CDKN2B-AS1: variants seen among roughly 807,000 people sequenced by gnomAD.
CDKN2B-AS1 encodes the protein CDKN2B antisense RNA 1 (non-protein coding).
chr9:22,081,275 CTTTTTTTT>C (rs36049201), intron 4 of CDKN2B-AS1, among the ~76,000 whole-genome samples: 3 of 124,516 alleles, frequency 2.4e-5, no homozygotes, highest in Non-Finnish European at 5.1e-5. Flanking sequence ...TGTTCTTTAG[CTTTTTTTT>C]TTTTTTTTTT....
chr9:22,082,262 T>C (rs1824725693), intron 4 of CDKN2B-AS1, among the ~76,000 whole-genome samples: 1 of 152,236 alleles, frequency 6.6e-6, no homozygotes, highest in South Asian at 2.1e-4. Flanking sequence ...CAGTGATATG[T>C]TATGACATTG....
intron 4 of CDKN2B-AS1, among the ~76,000 whole-genome samples, chr9:22,084,559 G>A (rs1587508713): frequency 6.6e-6 from 1 of 152,060 alleles, no homozygotes; most frequent in African/African-American, 2.4e-5. Flanking sequence ...CTCAGAGAAA[G>A]GGGGTGGGCA....
At chr9:22,048,698 C>A (rs542104822) in intron 2 of CDKN2B-AS1, among the ~76,000 whole-genome samples, 1 of 152,190 alleles carries the variant, frequency 6.6e-6, no homozygotes, top group East Asian at 1.9e-4. Context: ...AATTTGTAAC[C>A]AACCTTGGAT....
At chr9:22,062,976 G>GACACATACAC (rs1554672653) in intron 4 of CDKN2B-AS1, among the ~76,000 whole-genome samples, 5 of 125,294 alleles carry the variant, frequency 4.0e-5, no homozygotes, top group African/African-American at 1.5e-4. Flanking sequence ...GTGAAAGACA[G>GACACATACAC]ACACACACAC....
chr9:22,085,720 CAAA>C (rs5896963), intron 4 of CDKN2B-AS1, among the ~76,000 whole-genome samples: 1,702 of 117,794 alleles, frequency 0.014, 13 homozygotes, highest in African/African-American at 0.023. Context: ...GACTCCGTCT[CAAA>C]AAAAAAAAAA....
chr9:22,097,132 T>C (rs1351470516), intron 4 of CDKN2B-AS1: 2 of 152,274 alleles, frequency 1.3e-5, no homozygotes, highest in Non-Finnish European at 2.9e-5. Flanking sequence ...TGATAAATTT[T>C]CTGCACTGTG....
chr9:22,068,645 C>T (rs539949968), intron 4 of CDKN2B-AS1, among the ~76,000 whole-genome samples: 5 of 152,148 alleles, frequency 3.3e-5, no homozygotes, highest in Non-Finnish European at 7.3e-5. Flanking sequence ...AGTGGCTTTG[C>T]AATGATAGTA....
rs528374210 is a variant in CDKN2B-AS1 at position 22,123,109 on chromosome 9, G to A, written n.439-3994G>A. Reference sequence around the variant, plus strand: ...TATTCCTTGGTATTTTATTGTTTTCGTAGCTATTGTAAATGGGATTGCCTT... The same window carrying A: ...TATTCCTTGGTATTTTATTGTTTTCATAGCTATTGTAAATGGGATTGCCTT... On this transcript the variant is annotated intron_variant and non_coding_transcript_variant, in intron 4 of 4. Coordinates refer to ENST00000650946, the Ensembl canonical transcript of CDKN2B-AS1. Among the ~76,000 whole-genome samples the A allele has an allele frequency of 1.2e-4, 19 of 152,044 alleles. No individual in the cohort carries two copies. In the East Asian group the frequency reaches 2.5e-3, roughly 20 times the overall value.
intron 1 of CDKN2B-AS1, among the ~76,000 whole-genome samples, chr9:22,025,976 A>G (rs1283466258): frequency 2.0e-5 from 3 of 152,042 alleles, no homozygotes; most frequent in Non-Finnish European, 4.4e-5. Flanking sequence ...TCCCTGGGAC[A>G]AAGGTCCCAT....
chr9:22,062,093 G>A (rs1587476734), intron 4 of CDKN2B-AS1: 1 of 152,188 alleles, frequency 6.6e-6, no homozygotes, highest in Non-Finnish European at 1.5e-5. Flanking sequence ...GAGTGAAATG[G>A]GTCTGTGAAG....
At chr9:22,057,893 A>G (rs938083551) in intron 4 of CDKN2B-AS1, among the ~76,000 whole-genome samples, 7 of 151,924 alleles carry the variant, frequency 4.6e-5, no homozygotes, top group Non-Finnish European at 1.0e-4. Flanking sequence ...AGGCGGGTGG[A>G]TCACCTGAGG....
chr9:22,107,417 C>G (rs1825688728), intron 4 of CDKN2B-AS1, among the ~76,000 whole-genome samples: 1 of 152,164 alleles, frequency 6.6e-6, no homozygotes, highest in Admixed American at 6.5e-5. Flanking sequence ...CACTCTCAGT[C>G]TAGACTAAAA....
At chr9:22,025,993 C>A (rs1822221210) in intron 1 of CDKN2B-AS1, among the ~76,000 whole-genome samples, 1 of 151,896 alleles carries the variant, frequency 6.6e-6, no homozygotes, top group African/African-American at 2.4e-5. Flanking sequence ...CCATGGAAGT[C>A]TGAAACCTCT....
In CDKN2B-AS1 at chr9:22,005,777, T is replaced by C; in HGVS notation, n.29+10616T>C. 2 of 636,488 alleles carry C rather than the reference T, an allele frequency of 3.1e-6. No homozygotes were observed. Among genetic ancestry groups the C allele is most frequent in the South Asian group, 1.9e-5 (1 of 53,558 alleles). The allele number at this position is 636,488 out of a possible 1,614,324, so 39.4% of individuals were successfully genotyped here. ...ATCCGCTTCTCTGTGTTTCGCTTCA[T>C]GGTGAGTGTCGAGGGCCAGATAAGA... is the stretch of plus-strand genomic sequence containing the variant. On this transcript the variant is annotated intron_variant and non_coding_transcript_variant, in intron 1 of 4. Coordinates refer to ENST00000650946, the Ensembl canonical transcript of CDKN2B-AS1. The surrounding 1 kb of genome is among the most constrained non-coding windows in gnomAD (Gnocchi z 4.9).
rs950219767 is a variant in CDKN2B-AS1, at chr9:22,074,281, C to A, written n.438+17894C>A. On this transcript the variant is annotated intron_variant and non_coding_transcript_variant, in intron 4 of 4. Coordinates refer to ENST00000650946, the Ensembl canonical transcript of CDKN2B-AS1. Reference sequence around the variant, plus strand: ...GAGCAACTATATTGTTTTGGTAAAACTAGTAGTCCCAAATAAGAAAGAGGT... The same window carrying A: ...GAGCAACTATATTGTTTTGGTAAAAATAGTAGTCCCAAATAAGAAAGAGGT... Among the ~76,000 whole-genome samples, 5 of 152,128 alleles carry A rather than the reference C, an allele frequency of 3.3e-5. No individual in the cohort carries two copies. In the East Asian group the frequency reaches 9.6e-4, roughly 29 times the overall value.
chr9:22,009,547 A>G lies in CDKN2B-AS1; in HGVS notation n.29+14386A>G, dbSNP rs72550843. On this transcript the variant is annotated intron_variant and non_coding_transcript_variant, in intron 1 of 4. Coordinates refer to ENST00000650946, the Ensembl canonical transcript of CDKN2B-AS1. ...TGGATGTCCAGTAAAGCCAAGGCTA[A>G]TATTTTGGGAATGTTCACCACTGCC... is the stretch of plus-strand genomic sequence containing the variant. Among the ~76,000 whole-genome samples the G allele has an allele frequency of 2.0e-5, 3 of 152,380 alleles. No individual in the cohort carries two copies. In the East Asian group the frequency reaches 5.8e-4, roughly 29 times the overall value.
At chr9:22,108,705 G>A (rs1825724968) in intron 4 of CDKN2B-AS1, among the ~76,000 whole-genome samples, 1 of 152,058 alleles carries the variant, frequency 6.6e-6, no homozygotes, top group Non-Finnish European at 1.5e-5. Flanking sequence ...TCTCCCAAAT[G>A]GATTATATTT....
chr9:22,086,093 C>T (rs1240880608), intron 4 of CDKN2B-AS1, among the ~76,000 whole-genome samples: 1 of 152,062 alleles, frequency 6.6e-6, no homozygotes, highest in Non-Finnish European at 1.5e-5. Flanking sequence ...AAATCACTCT[C>T]CTACTCTATC....
rs78575015 is a variant in CDKN2B-AS1, at chr9:22,028,930, T to C, written n.30-17821T>C. On this transcript the variant is annotated intron_variant and non_coding_transcript_variant, in intron 1 of 4. Coordinates refer to ENST00000650946, the Ensembl canonical transcript of CDKN2B-AS1. ...CCACCATATTACTATGAAACACAGATTGATTATGGTATAATACAATTTAGC... is the reference window on the plus strand; with the variant it reads ...CCACCATATTACTATGAAACACAGACTGATTATGGTATAATACAATTTAGC... 3.9e-3 allele frequency among the ~76,000 whole-genome samples: 589 copies of C among 152,258 alleles called. 7 individuals are homozygous for C. Among genetic ancestry groups the C allele is most frequent in the African/African-American group, 0.013 (551 of 41,550 alleles).
Sources: allele counts gnomAD v4.1 joint callset (sites outside exome capture counted in the v4.1 genomes callset), GRCh38; gene constraint gnomAD v4.1.1; non-coding constraint Gnocchi (gnomAD v3.1); transcripts MANE v1.5; gene names NCBI Gene and HGNC (gene_info 2026-07-23, HGNC 2026-07-21).